The following DSCAM variants were observed in gnomAD, a reference collection of about 807,000 sequenced individuals.
DSCAM encodes the protein cell adhesion molecule DSCAM.
In DSCAM, 47 loss-of-function variants were observed where a neutral mutation model predicts 217.7. That is an observed-to-expected ratio of 0.22 (90% CI 0.17 to 0.28). DSCAM has a LOEUF of 0.28. Among genes scored for constraint, DSCAM ranks in the 10% least tolerant of loss-of-function variants. DSCAM has a pLI of 1.00. For missense variants in DSCAM, 2,080 were observed against 2,618.3 expected (o/e 0.79, Z 4.49); for synonymous variants, 1,056 against 1,015.3 (o/e 1.04, Z -0.76).
chr21:40,726,589 A>C (rs2090957518), intron 1 of DSCAM, among the ~76,000 whole-genome samples: 1 of 151,936 alleles, frequency 6.6e-6, no homozygotes, highest in African/African-American at 2.4e-5. Flanking sequence ...TCTGTAAGTG[A>C]GTGTGTTTCC....
intron 1 of DSCAM, among the ~76,000 whole-genome samples, chr21:40,820,298 A>G (rs1198718321): frequency 6.6e-6 from 1 of 152,212 alleles, no homozygotes; most frequent in Non-Finnish European, 1.5e-5. Context: ...GAATGAGATC[A>G]TGTCCTTTGC....
chr21:40,057,048 T>A (rs1693859647), intron 28 of DSCAM, among the ~76,000 whole-genome samples: 1 of 152,156 alleles, frequency 6.6e-6, no homozygotes, highest in Non-Finnish European at 1.5e-5. Context: ...CCTGATGAGA[T>A]CCATGTATAC....
At chr21:40,840,963 C>CTCTG (rs2092096467) in intron 1 of DSCAM, among the ~76,000 whole-genome samples, 1 of 152,160 alleles carries the variant, frequency 6.6e-6, no homozygotes, top group African/African-American at 2.4e-5. Context: ...ATACCATGTG[C>CTCTG]TCTGCTCTGT....
At chr21:40,102,547 C>A (rs528163768) in intron 20 of DSCAM, among the ~76,000 whole-genome samples, 3 of 152,172 alleles carry the variant, frequency 2.0e-5, no homozygotes, top group Non-Finnish European at 4.4e-5. Flanking sequence ...CATGGAAAGC[C>A]TGGGAACAGC....
rs991041476 is a variant in DSCAM at position 40,757,216 on chromosome 21, G to A, written c.44-48445C>T. Among the ~76,000 whole-genome samples the A allele has an allele frequency of 2.6e-5, 4 of 151,654 alleles. No individual in the cohort carries two copies. The East Asian group carries it at 5.8e-4, about 22-fold the overall frequency. ...TTTTTTTTGTATTTTTAGTAGAGAC[G>A]GGGTTTCACCATGTTAGCCAAGATG... On this transcript the variant is annotated intron_variant, in intron 1 of 32. Coordinates refer to ENST00000400454, the MANE Select transcript of DSCAM (RefSeq NM_001389.5).
At chr21:40,812,096 G>C (rs1324884313) in intron 1 of DSCAM, among the ~76,000 whole-genome samples, 1 of 152,238 alleles carries the variant, frequency 6.6e-6, no homozygotes, top group African/African-American at 2.4e-5. Flanking sequence ...CAGTGAGTAA[G>C]TGAAGAGTGA....
intron 3 of DSCAM, among the ~76,000 whole-genome samples, chr21:40,519,391 G>A (rs1431923908): frequency 3.9e-5 from 6 of 152,136 alleles, no homozygotes; most frequent in African/African-American, 1.2e-4. Flanking sequence ...AATTTGTGTT[G>A]AAATTCTTAC....
intron 3 of DSCAM, among the ~76,000 whole-genome samples, chr21:40,585,248 C>G (rs1415311239): frequency 6.7e-6 from 1 of 148,214 alleles, no homozygotes; most frequent in Non-Finnish European, 1.5e-5. Context: ...TGGACTAACA[C>G]AAGCACAAAA....
At chr21:40,369,818 T>C (rs1335714210) in intron 3 of DSCAM, among the ~76,000 whole-genome samples, 2 of 152,212 alleles carry the variant, frequency 1.3e-5, no homozygotes, top group African/African-American at 4.8e-5. Context: ...CCAATATTTA[T>C]CACTATATTC....
chr21:40,471,811 T>C (rs150256382), intron 3 of DSCAM, among the ~76,000 whole-genome samples: 122 of 152,322 alleles, frequency 8.0e-4, no homozygotes, highest in African/African-American at 2.7e-3. Context: ...TATTTTATTA[T>C]ACTTTAAGTT....
At chr21:40,354,192 A>C (rs2074665258) in intron 4 of DSCAM, among the ~76,000 whole-genome samples, 1 of 152,204 alleles carries the variant, frequency 6.6e-6, no homozygotes. Flanking sequence ...TATATTTCAA[A>C]ATAGCTAAAA....
rs978898466 is a variant in DSCAM at position 40,689,248 on chromosome 21, C to T, written c.508+3562G>A. ...AAAAAGAATTTGTAGAAGACAAATA[C>T]CCATTTACCTTCACCAGGATTTCCA... is the stretch of plus-strand genomic sequence containing the variant. On this transcript the variant is annotated intron_variant, in intron 3 of 32. Coordinates refer to ENST00000400454, the MANE Select transcript of DSCAM (RefSeq NM_001389.5). Among the ~76,000 whole-genome samples, 18 of 152,182 alleles carry T rather than the reference C, an allele frequency of 1.2e-4. 1 individual carries two copies. The highest frequency in any genetic ancestry group is 1.2e-3 in the Admixed American group (18 of 15,284).
rs1269275855 is a variant in DSCAM at position 40,378,592 on chromosome 21, T to A, written c.509-9347A>T. Among the ~76,000 whole-genome samples the A allele has an allele frequency of 2.3e-4, 10 of 43,008 alleles. 1 individual carries two copies. The highest frequency in any genetic ancestry group is 9.1e-4 in the African/African-American group (9 of 9,916). The allele number at this position is 43,008 out of a possible 152,430, so 28.2% of individuals were successfully genotyped here. Reference sequence around the variant, plus strand: ...TTTTTTTTTTTTTTTTTTTTTTTTTTTTTTTTTTTTTTTTTTTGAGACGGA... The same window carrying A: ...TTTTTTTTTTTTTTTTTTTTTTTTTATTTTTTTTTTTTTTTTTGAGACGGA... On this transcript the variant is annotated intron_variant, in intron 3 of 32. Transcript: ENST00000400454.
chr21:40,581,987 A>G (rs1307356354), intron 3 of DSCAM, among the ~76,000 whole-genome samples: 1 of 152,194 alleles, frequency 6.6e-6, no homozygotes, highest in Non-Finnish European at 1.5e-5. Context: ...CCCAGATCCC[A>G]TATGCTAGGG....
intron 1 of DSCAM, among the ~76,000 whole-genome samples, chr21:40,765,631 G>T (rs950283151): frequency 6.6e-6 from 1 of 152,136 alleles, no homozygotes; most frequent in Non-Finnish European, 1.5e-5. Context: ...TATGACCCCG[G>T]GAAGAACATC....
chr21:40,538,880 T>C (rs1444345463), intron 3 of DSCAM, among the ~76,000 whole-genome samples: 1 of 152,198 alleles, frequency 6.6e-6, no homozygotes, highest in African/African-American at 2.4e-5. Context: ...GGGCAATACC[T>C]AGTTCTCTGG....
intron 3 of DSCAM, among the ~76,000 whole-genome samples, chr21:40,672,807 T>C (rs1374787953): frequency 6.6e-6 from 1 of 152,122 alleles, no homozygotes; most frequent in Non-Finnish European, 1.5e-5. Flanking sequence ...CCCCCACATC[T>C]AATCTATCAG....
At chr21:40,516,413 A>C (rs1041442721) in intron 3 of DSCAM, among the ~76,000 whole-genome samples, 8 of 152,104 alleles carry the variant, frequency 5.3e-5, no homozygotes, top group Admixed American at 5.2e-4. Flanking sequence ...CCCTCCCCCA[A>C]AACACTGGCA....
In DSCAM at chr21:40,042,613, G is replaced by A; in HGVS notation, c.5444C>T (p.Ala1815Val). The A allele has an allele frequency of 6.2e-7, 1 of 1,613,998 alleles. No individual in the cohort carries two copies. The highest frequency in any genetic ancestry group is 1.3e-5 in the African/African-American group (1 of 75,000). Residue 1815 changes from alanine to valine, a missense_variant, in exon 32 of 33, where the codon GCC becomes GTC. Physicochemically the swap from Ala to Val is moderately conservative, Grantham distance 64. This residue lies in a region of DSCAM where 1,144 missense variants were observed against 1,421.1 expected (regional missense o/e 0.81). Coordinates refer to ENST00000400454, the MANE Select transcript of DSCAM (RefSeq NM_001389.5). ...CATCTTGGCGTGTTCGTAGGCCCTG[G>A]CCAGTTCTTCGTAAGTGGAGGAGGC... Reference protein sequence around the residue: ...ESASSTYEELARAYEHAKMEE... With the variant: ...ESASSTYEELVRAYEHAKMEE...
Sources: allele counts gnomAD v4.1 joint callset (sites outside exome capture counted in the v4.1 genomes callset), GRCh38; gene constraint gnomAD v4.1.1; regional missense constraint gnomAD v4.1.1; transcripts MANE v1.5; gene names NCBI Gene and HGNC (gene_info 2026-07-23, HGNC 2026-07-21).